The following PTPRT variants were observed in gnomAD, a reference collection of about 807,000 sequenced individuals.
PTPRT encodes receptor-type tyrosine-protein phosphatase T.
A neutral mutation model predicts 176.8 loss-of-function variants in PTPRT; 56 were observed. That is an observed-to-expected ratio of 0.32 (90% CI 0.26 to 0.40). The LOEUF is 0.40. Ranked by LOEUF, PTPRT falls within the 10% of genes least tolerant of loss-of-function variation. The pLI is 1.00. For synonymous variants in PTPRT, 783 were observed against 739.0 expected (o/e 1.06, Z -0.96); for missense variants, 1,540 against 1,908.2 (o/e 0.81, Z 3.60).
chr20:42,349,113 G>T (rs1312797660), intron 11 of PTPRT, among the ~76,000 whole-genome samples: 1 of 152,130 alleles, frequency 6.6e-6, no homozygotes, highest in Non-Finnish European at 1.5e-5. Flanking sequence ...ATAGACAATG[G>T]CTAGCTAGAC....
chr20:42,098,540 G>A lies in PTPRT; in HGVS notation c.3727C>T (p.Pro1243Ser). ...TGCTGGGTGACCACGAAGGCGGCAG[G>A]CTGCTTGTGGCTCTGACAAAGGAAT... Reference protein sequence around the residue: ...NAALMDSHKQPAAFVVTQHPL... With the variant: ...NAALMDSHKQSAAFVVTQHPL... The change falls in exon 27 of 31, where the codon CCT becomes TCT. Residue 1243 changes from proline (P) to serine (S), a missense_variant. Around this residue, in one of 11 missense-constraint regions of PTPRT, gnomAD observed 342 missense variants for 394.0 expected, o/e 0.87. Transcript: ENST00000373187. 6.2e-7 allele frequency: 1 copy of A among 1,614,148 alleles called. No homozygotes were observed. The highest frequency in any genetic ancestry group is 8.5e-7 in the Non-Finnish European group (1 of 1,180,038).
intron 15 of PTPRT, among the ~76,000 whole-genome samples, chr20:42,200,061 TACACAC>T (rs3086759): frequency 7.1e-6 from 1 of 140,464 alleles, no homozygotes; most frequent in African/African-American, 2.8e-5. Context: ...CACAAAAAAA[TACACAC>T]ACACACACAC....
At chr20:42,246,144 A>G (rs1046582802) in intron 14 of PTPRT, among the ~76,000 whole-genome samples, 1 of 152,128 alleles carries the variant, frequency 6.6e-6, no homozygotes, top group Non-Finnish European at 1.5e-5. Context: ...AGTGTAGTAT[A>G]TATTGATATA....
chr20:43,161,801 C>CA (rs1388388189), intron 1 of PTPRT, among the ~76,000 whole-genome samples: 3 of 152,172 alleles, frequency 2.0e-5, no homozygotes, highest in African/African-American at 7.2e-5. Flanking sequence ...TGCCAACTGC[C>CA]ATGTGGCACT....
intron 1 of PTPRT, among the ~76,000 whole-genome samples, chr20:42,888,777 C>T (rs573452859): frequency 5.6e-4 from 86 of 152,242 alleles, no homozygotes; most frequent in Middle Eastern, 3.4e-3. Flanking sequence ...TTAATGGGCT[C>T]TGGACATGGC....
intron 29 of PTPRT, among the ~76,000 whole-genome samples, chr20:42,084,354 G>A (rs118177034): frequency 0.017 from 2,646 of 152,304 alleles, 33 homozygotes; most frequent in Non-Finnish European, 0.028. Flanking sequence ...AGCCCCTGAG[G>A]GCAGTGCCTT....
chr20:42,330,320 A>C (rs1159787884), intron 11 of PTPRT, among the ~76,000 whole-genome samples: 2 of 151,980 alleles, frequency 1.3e-5, no homozygotes, highest in East Asian at 1.9e-4. Context: ...AAAATACAAA[A>C]AAATTAGCTG....
intron 7 of PTPRT, among the ~76,000 whole-genome samples, chr20:42,673,954 G>A (rs986490871): frequency 6.6e-6 from 1 of 151,702 alleles, no homozygotes; most frequent in East Asian, 1.9e-4. Context: ...TTGCTGTTTT[G>A]TTGGAATCCT....
intron 7 of PTPRT, among the ~76,000 whole-genome samples, chr20:42,560,232 T>C (rs372543549): frequency 6.6e-6 from 1 of 152,146 alleles, no homozygotes; most frequent in Non-Finnish European, 1.5e-5. Context: ...TTCGAACTTC[T>C]GGTTATATTC....
In PTPRT at chr20:43,093,717, C is replaced by T. The variant is rs2011983762; in HGVS notation, c.88+95929G>A. On this transcript the variant is annotated intron_variant, in intron 1 of 30. Transcript: ENST00000373187. ...TCCCATTACACTTATGGAATGAAAT[C>T]GAAACCCCTAACCATGGCCCTGGAG... Among the ~76,000 whole-genome samples the T allele has an allele frequency of 7.9e-5, 12 of 152,178 alleles. No individual in the cohort carries two copies. In the South Asian group the frequency reaches 2.3e-3, roughly 29 times the overall value.
rs537759191 is a variant in PTPRT at position 42,146,307 on chromosome 20, C to G, written c.2683-4305G>C. ...TACCTGAAACCCTCTGTGATAAAAG[C>G]CAATTGTTCAACCAAACATGTCCCC... On this transcript the variant is annotated intron_variant, in intron 17 of 30. Transcript: ENST00000373187. Among the ~76,000 whole-genome samples, 6 of 152,266 alleles carry G rather than the reference C, an allele frequency of 3.9e-5. No individual in the cohort carries two copies. The South Asian group carries it at 1.0e-3, about 26-fold the overall frequency.
intron 18 of PTPRT, among the ~76,000 whole-genome samples, chr20:42,131,886 G>A (rs1988139069): frequency 6.6e-6 from 1 of 152,200 alleles, no homozygotes; most frequent in Admixed American, 6.5e-5. Flanking sequence ...AGAGGGAATG[G>A]CTAGAGTGAA....
At chr20:43,170,839 G>A (rs1477221056) in intron 1 of PTPRT, among the ~76,000 whole-genome samples, 1 of 152,156 alleles carries the variant, frequency 6.6e-6, no homozygotes, top group Non-Finnish European at 1.5e-5. Context: ...AGTGACCCAA[G>A]ATGAGATATA....
intron 9 of PTPRT, among the ~76,000 whole-genome samples, chr20:42,417,716 G>A (rs964815726): frequency 2.1e-5 from 3 of 144,344 alleles, no homozygotes; most frequent in African/African-American, 5.1e-5. Flanking sequence ...AGATGAGGAA[G>A]GCTTGACATT....
At chr20:43,183,579 G>A (rs1204234020) in intron 1 of PTPRT, among the ~76,000 whole-genome samples, 1 of 152,186 alleles carries the variant, frequency 6.6e-6, no homozygotes, top group Admixed American at 6.5e-5. Context: ...ATACCTTTTA[G>A]GAAATGCAGA....
intron 17 of PTPRT, among the ~76,000 whole-genome samples, chr20:42,157,929 G>A (rs1265048576): frequency 1.3e-5 from 2 of 152,218 alleles, no homozygotes; most frequent in Admixed American, 6.5e-5. Flanking sequence ...GAGGCCATGT[G>A]TAGGTCTTCC....
chr20:42,515,871 T>C (rs1489790184), intron 7 of PTPRT, among the ~76,000 whole-genome samples: 5 of 149,692 alleles, frequency 3.3e-5, no homozygotes, highest in African/African-American at 7.4e-5. Flanking sequence ...CCAACAATGA[T>C]AGACTGGATT....
intron 4 of PTPRT, among the ~76,000 whole-genome samples, chr20:42,779,565 T>G (rs1356750240): frequency 6.6e-6 from 1 of 152,210 alleles, no homozygotes; most frequent in Non-Finnish European, 1.5e-5. Flanking sequence ...CCAGGACTTA[T>G]GGCCTCTGAG....
chr20:43,143,929 A>G (rs1315616622), intron 1 of PTPRT, among the ~76,000 whole-genome samples: 2 of 152,186 alleles, frequency 1.3e-5, no homozygotes, highest in African/African-American at 4.8e-5. Flanking sequence ...GTGCTGCTAC[A>G]TCTGGTAACA....
Sources: gnomAD v4.1 joint callset for allele counts (sites outside exome capture counted in the v4.1 genomes callset) on GRCh38, gnomAD v4.1.1 for gene constraint, gnomAD v4.1.1 regional missense constraint, MANE v1.5 for transcripts, NCBI Gene and HGNC (gene_info 2026-07-23, HGNC 2026-07-21) for gene names.